FOXP1: variants seen among roughly 807,000 people sequenced by gnomAD.
FOXP1 encodes forkhead box protein P1.
In FOXP1, 15 loss-of-function variants were observed where a neutral mutation model predicts 98.2. The observed-to-expected ratio is 0.15, with a 90% CI of 0.10 to 0.24. FOXP1 has a LOEUF of 0.24. FOXP1 is among the 10% of genes least tolerant of loss of function. The pLI, the probability that FOXP1 is intolerant of heterozygous loss-of-function variation, is 1.00. For missense variants in FOXP1, 633 were observed against 848.5 expected (o/e 0.75, Z 3.15); for synonymous variants, 371 against 314.5 (o/e 1.18, Z -1.90).
chr3:71,090,185 G>C (rs2055641926), intron 7 of FOXP1, among the ~76,000 whole-genome samples: 2 of 152,088 alleles, frequency 1.3e-5, no homozygotes, highest in African/African-American at 4.8e-5. Flanking sequence ...CTTCAACCTT[G>C]CTCCCATCAT....
At chr3:71,262,321 A>G (rs928942994) in intron 5 of FOXP1, among the ~76,000 whole-genome samples, 2 of 148,838 alleles carry the variant, frequency 1.3e-5, no homozygotes, top group African/African-American at 5.0e-5. Context: ...TCCCTACTAC[A>G]TACCAGACAC....
rs190061828 is a variant in FOXP1, at chr3:71,268,646, T to C, written c.-12+31174A>G. ...AGGTAGATAAAGGGGAAATGAGAGA[T>C]GTAATCTTACAGACTTCTGTTAGTC... On this transcript the variant is annotated intron_variant, in intron 5 of 20. Coordinates refer to ENST00000649528, the MANE Select transcript of FOXP1 (RefSeq NM_001349338.3). 1.8e-4 allele frequency among the ~76,000 whole-genome samples: 27 copies of C among 152,298 alleles called. No homozygotes were observed. The East Asian group carries it at 4.8e-3, about 27-fold the overall frequency.
Position 71,078,060 on chromosome 3 carries a change from G to C in FOXP1, c.283-24287C>G, listed in dbSNP as rs142001196. Among the ~76,000 whole-genome samples the C allele has an allele frequency of 3.2e-3, 487 of 152,280 alleles. 3 individuals are homozygous for C. The highest frequency in any genetic ancestry group is 0.011 in the African/African-American group (467 of 41,554). On this transcript the variant is annotated intron_variant, in intron 7 of 20. Transcript: ENST00000649528. ...TCTGTCAGGCTGCTCTCGAACTCCT[G>C]ACCTCAGGTGATCCGCCTCCCTTGG...
chr3:71,398,602 T>C (rs1324151109), intron 3 of FOXP1, among the ~76,000 whole-genome samples: 1 of 152,150 alleles, frequency 6.6e-6, no homozygotes, highest in East Asian at 1.9e-4. Context: ...AACCACGGGC[T>C]GGGGGTGCAG....
chr3:71,502,458 CT>C (rs1208982401), intron 2 of FOXP1, among the ~76,000 whole-genome samples: 1 of 152,118 alleles, frequency 6.6e-6, no homozygotes, highest in South Asian at 2.1e-4. Flanking sequence ...GAGGGGAGAG[CT>C]TTTTTGATAG....
At chr3:71,257,516 C>T (rs891753342) in intron 5 of FOXP1, among the ~76,000 whole-genome samples, 4 of 148,392 alleles carry the variant, frequency 2.7e-5, no homozygotes, top group African/African-American at 5.0e-5. Flanking sequence ...ACCCAGGAGG[C>T]GGAGGTTGCA....
intron 7 of FOXP1, 76 bp from the exon 8 acceptor site, chr3:71,053,849 G>A (rs2050243543): frequency 1.3e-6 from 2 of 1,542,570 alleles, no homozygotes; most frequent in Admixed American, 3.4e-5. Flanking sequence ...GCAGCTGACT[G>A]CCATCAGCCT....
At chr3:71,301,508 A>G (rs764493232) in intron 4 of FOXP1, among the ~76,000 whole-genome samples, 2 of 152,190 alleles carry the variant, frequency 1.3e-5, no homozygotes, top group Non-Finnish European at 2.9e-5. Flanking sequence ...ATCCTACTCA[A>G]TTCAAAGCAA....
At chr3:71,435,978 A>AGGAGGGAC (rs1468517852) in intron 3 of FOXP1, among the ~76,000 whole-genome samples, 12 of 90,344 alleles carry the variant, frequency 1.3e-4, no homozygotes, top group Admixed American at 7.3e-4. Context: ...AAAGGAGGGA[A>AGGAGGGAC]GGAGGGAAGG....
At chr3:71,567,486 T>G (rs1228911821) in intron 2 of FOXP1, among the ~76,000 whole-genome samples, 1 of 152,264 alleles carries the variant, frequency 6.6e-6, no homozygotes, top group Non-Finnish European at 1.5e-5. Context: ...TCCAGAATGA[T>G]CTAATTATCT....
chr3:71,029,941 A>G (rs1204726709), intron 11 of FOXP1, among the ~76,000 whole-genome samples: 1 of 152,206 alleles, frequency 6.6e-6, no homozygotes, highest in Non-Finnish European at 1.5e-5. Context: ...ACAATAAGTT[A>G]ATATTTATTG....
intron 12 of FOXP1, among the ~76,000 whole-genome samples, chr3:71,008,104 A>T (rs758251117): frequency 6.6e-6 from 1 of 152,246 alleles, no homozygotes; most frequent in Non-Finnish European, 1.5e-5. Context: ...GTGGTCACTT[A>T]AAAGAAAAAC....
intron 5 of FOXP1, among the ~76,000 whole-genome samples, chr3:71,241,007 G>C (rs565909593): frequency 1.3e-5 from 2 of 151,132 alleles, no homozygotes; most frequent in African/African-American, 4.9e-5. Context: ...TCAGGAGTTC[G>C]AGACCAGCCT....
At chr3:70,990,531 CA>C (rs2040442370) in intron 13 of FOXP1, among the ~76,000 whole-genome samples, 1 of 152,144 alleles carries the variant, frequency 6.6e-6, no homozygotes, top group Admixed American at 6.5e-5. Flanking sequence ...TTAATATTAG[CA>C]AGCATATTCC....
intron 6 of FOXP1, among the ~76,000 whole-genome samples, chr3:71,194,788 T>C (rs559825420): frequency 6.6e-6 from 1 of 152,284 alleles, no homozygotes; most frequent in African/African-American, 2.4e-5. Flanking sequence ...AATTATATTA[T>C]TAGAAAACTA....
At chr3:71,065,495 G>C (rs556061727) in intron 7 of FOXP1, 5 of 152,390 alleles carry the variant, frequency 3.3e-5, no homozygotes, top group Non-Finnish European at 4.4e-5. Flanking sequence ...GCTTCACGTC[G>C]GGGGTTTCAC....
intron 3 of FOXP1, among the ~76,000 whole-genome samples, chr3:71,363,915 C>G (rs1297005479): frequency 1.3e-5 from 2 of 152,098 alleles, no homozygotes; most frequent in African/African-American, 4.8e-5. Context: ...GCGCAGAGAT[C>G]CAGTAGAGAA....
chr3:71,062,062 T>C (rs1009775411), intron 7 of FOXP1, among the ~76,000 whole-genome samples: 3 of 152,206 alleles, frequency 2.0e-5, no homozygotes, highest in Non-Finnish European at 4.4e-5. Context: ...AAAGAGTTTA[T>C]CTTTCAAGTG....
At chr3:71,197,434 A>G (rs1299494437) in intron 6 of FOXP1, among the ~76,000 whole-genome samples, 1 of 152,098 alleles carries the variant, frequency 6.6e-6, no homozygotes, top group Non-Finnish European at 1.5e-5. Flanking sequence ...ACAACAGAAC[A>G]CTATTTCTTG....
Sources: gnomAD v4.1 joint callset for allele counts (sites outside exome capture counted in the v4.1 genomes callset) on GRCh38, gnomAD v4.1.1 for gene constraint, MANE v1.5 for transcripts, NCBI Gene and HGNC (gene_info 2026-07-23, HGNC 2026-07-21) for gene names.